PAPLN: variants seen among roughly 807,000 people sequenced by gnomAD.
PAPLN encodes papilin, proteoglycan like sulfated glycoprotein, also known as papilin.
PAPLN carries 146 observed loss-of-function variants against 159.0 expected under a neutral mutation model. The observed-to-expected ratio is 0.92, with a 90% CI of 0.80 to 1.05. The LOEUF is 1.05. Among genes scored for constraint, PAPLN ranks in the 50% least tolerant of loss-of-function variants. The probability of loss-of-function intolerance (pLI) is 0.00; values close to 1 mark genes in which losing one functional copy is unlikely to be tolerated. For synonymous variants in PAPLN, 734 were observed against 702.9 expected (o/e 1.04, Z -0.70); for missense variants, 1,720 against 1,743.9 (o/e 0.99, Z 0.24).
At chr14:73,262,112 G>C in intron 18 of PAPLN, 1 of 467,028 alleles carries the variant, frequency 2.1e-6, no homozygotes, top group Non-Finnish European at 3.7e-6. Context: ...ACCTCCCAGA[G>C]GCTCTAGCTC....
rs1884284382 is a variant in PAPLN, at chr14:73,246,187, C to CG, written c.334+15dup. Reference sequence around the variant, plus strand: ...GCCCTACTACAGCGGTGAGCGCGGCCGGGACTCGCTCTCTCGGGGCCTCTT... The same window carrying CG: ...GCCCTACTACAGCGGTGAGCGCGGCCGGGGACTCGCTCTCTCGGGGCCTCTT... On this transcript the variant is annotated intron_variant, in intron 5 of 26. Transcript: ENST00000644200. The CG allele has an allele frequency of 1.3e-6, 2 of 1,563,826 alleles. No homozygotes were observed. Among genetic ancestry groups the CG allele is most frequent in the South Asian group, 2.3e-5 (2 of 85,194 alleles).
Position 73,251,727 on chromosome 14 carries a change from C to T in PAPLN, c.734C>T (p.Ala245Val), listed in dbSNP as rs117222936. The T allele has an allele frequency of 1.3e-4, 212 of 1,613,262 alleles. 1 individual carries two copies. In the East Asian group the frequency reaches 3.1e-3, roughly 24 times the overall value. ...CACTGGACCATCGAGGCGGCCCGGG[C>T]CCTGCCAGCAGCCAGCACCATCCTG... ...NGHWTIEAAR[A>V]LPAASTILHY... The change falls in exon 9 of 27, where the codon GCC becomes GTC. Residue 245 changes from alanine to valine, a missense_variant. Physicochemically the swap from Ala to Val is moderately conservative, Grantham distance 64 (BLOSUM62 0). Transcript: ENST00000644200.
intron 17 of PAPLN, 47 bp downstream of exon 17, chr14:73,260,876 C>T (rs1886505320): frequency 1.3e-6 from 2 of 1,491,402 alleles, no homozygotes; most frequent in Non-Finnish European, 1.8e-6. Flanking sequence ...AGCCCGTGAG[C>T]CTGCTCAGTG....
chr14:73,252,560 G>T (rs1251745486), intron 10 of PAPLN, 89 bp from the exon 11 acceptor site: 6 of 1,504,684 alleles, frequency 4.0e-6, no homozygotes, highest in Non-Finnish European at 5.3e-6. Context: ...GATGACCTGT[G>T]GGGTGAGTGC....
rs1884067710 is a variant in PAPLN, at chr14:73,245,144, G to A, written c.170+385G>A. ...TCAAGCGATTTATTAAATGCTTGCTGTGTGTGCTGCACTCCGGCAGGGTCA... is the reference window on the plus strand; with the variant it reads ...TCAAGCGATTTATTAAATGCTTGCTATGTGTGCTGCACTCCGGCAGGGTCA... On this transcript the variant is annotated intron_variant, in intron 3 of 26. Coordinates refer to ENST00000644200, the MANE Select transcript of PAPLN (RefSeq NM_001365906.3). This position sits in a 1 kb window ranked among gnomAD's most constrained non-coding sequence, Gnocchi z 4.2. 4.6e-6 allele frequency: 1 copy of A among 215,776 alleles called. No homozygotes were observed. Among genetic ancestry groups the A allele is most frequent in the African/African-American group, 2.3e-5 (1 of 42,842 alleles). The allele number at this position is 215,776 out of a possible 1,614,324, so 13.4% of individuals were successfully genotyped here.
At chr14:73,244,622 T>G in intron 2 of PAPLN, 22 bp from the exon 3 acceptor site, 1 of 1,547,936 alleles carries the variant, frequency 6.5e-7, no homozygotes, top group Non-Finnish European at 8.8e-7. Flanking sequence ...GCAATGCTGA[T>G]GCATGGTCCT....
chr14:73,245,793 G>C lies in PAPLN; in HGVS notation c.231+97G>C. 6.9e-7 allele frequency: 1 copy of C among 1,457,552 alleles called. No individual in the cohort carries two copies. The highest frequency in any genetic ancestry group is 9.2e-7 in the Non-Finnish European group (1 of 1,086,630). The allele number at this position is 1,457,552 out of a possible 1,614,324, so 90.3% of individuals were successfully genotyped here. A position where few individuals can be genotyped will look rare whatever the true frequency, so the allele number is the denominator to read the frequency against. On this transcript the variant is annotated intron_variant, in intron 4 of 26. Coordinates refer to ENST00000644200, the MANE Select transcript of PAPLN (RefSeq NM_001365906.3). The surrounding 1 kb of genome is among the most constrained non-coding windows in gnomAD (Gnocchi z 4.2). Reference sequence around the variant, plus strand: ...GCCCGCTCCTGGCCGCGGGCTGCTGGGTTGGCCCAGCCTGGGGTCCTCCCG... The same window carrying C: ...GCCCGCTCCTGGCCGCGGGCTGCTGCGTTGGCCCAGCCTGGGGTCCTCCCG...
At chr14:73,257,854 C>T (rs1772164709) in intron 14 of PAPLN, among the ~76,000 whole-genome samples, 1 of 148,834 alleles carries the variant, frequency 6.7e-6, no homozygotes, top group Non-Finnish European at 1.5e-5. Context: ...ACCTCTGCCT[C>T]CCAGGTTCAA....
rs999639605 is a variant in PAPLN at position 73,245,883 on chromosome 14, C to T, written c.231+187C>T. On this transcript the variant is annotated intron_variant, in intron 4 of 26. Transcript: ENST00000644200. This position sits in a 1 kb window ranked among gnomAD's most constrained non-coding sequence, Gnocchi z 4.2. ...CCTGCTCCCGGGGACTGGCCTTGCC[C>T]TCCACAGCCTAGAGCACCATGGAGG... is the stretch of plus-strand genomic sequence containing the variant. 36 of 901,190 alleles carry T rather than the reference C, an allele frequency of 4.0e-5. No homozygotes were observed. Among genetic ancestry groups the T allele is most frequent in the Non-Finnish European group, 5.4e-5 (33 of 606,700 alleles). 55.8% of individuals were successfully genotyped at this position (901,190 alleles called of 1,614,324 possible).
At position 73,263,800 on chromosome 14, in the gene PAPLN, C is replaced by A; in HGVS notation, c.2861+18C>A. ...TCTGACAGGTGGGTGAGAGTCCCCC[C>A]ACCTCCTCTGACAGGTGTGACAGCC... On this transcript the variant is annotated intron_variant, in intron 20 of 26. Transcript: ENST00000644200. 6.3e-7 allele frequency: 1 copy of A among 1,593,524 alleles called. No homozygotes were observed. The highest frequency in any genetic ancestry group is 2.3e-5 in the East Asian group (1 of 44,154).
Position 73,263,633 on chromosome 14 carries a change from C to T in PAPLN, c.2724-12C>T, listed in dbSNP as rs200619084. 64 of 1,613,544 alleles carry T rather than the reference C, an allele frequency of 4.0e-5. No individual in the cohort carries two copies. The highest frequency in any genetic ancestry group is 5.9e-6 in the Non-Finnish European group (7 of 1,180,002). ...CATGCCAGTCAGCAGATCTCACTTC[C>T]CACCTCTCCAGGATTAGCTTGGCAG... On this transcript the variant is annotated splice_polypyrimidine_tract_variant and intron_variant, in intron 19 of 26. Transcript: ENST00000644200.
chr14:73,264,421 C>T, intron 21 of PAPLN, 86 bp downstream of exon 21: 1 of 1,558,348 alleles, frequency 6.4e-7, no homozygotes, highest in Non-Finnish European at 8.7e-7. Context: ...AGGGCTGCCT[C>T]ACGCTAGAGG....
chr14:73,261,744 G>T (rs1258820648), intron 18 of PAPLN, among the ~76,000 whole-genome samples: 9 of 152,202 alleles, frequency 5.9e-5, no homozygotes, highest in Non-Finnish European at 1.0e-4. Flanking sequence ...TAGAGCTGCT[G>T]GGAACCATCA....
At position 73,259,498 on chromosome 14, in the gene PAPLN, C is replaced by G; in HGVS notation, c.1938C>G (p.Leu646=). The G allele has an allele frequency of 1.2e-6, 2 of 1,602,418 alleles. No individual in the cohort carries two copies. The highest frequency in any genetic ancestry group is 3.4e-5 in the Admixed American group (2 of 58,828). The part of the protein sequence containing the change: ...GCCPDGHTAS[L]GPQWQGCPGA... The stretch of plus-strand genomic sequence containing the variant: ...GCCCCGATGGCCACACGGCATCTCT[C>G]GGGCCTCAGTGGCAAGGCTGCCCTG... The change falls in exon 16 of 27, where the codon CTC becomes CTG. Residue 646 remains leucine (L), a synonymous_variant. Transcript: ENST00000644200.
At chr14:73,248,107 G>GTGTGCGCGCA (rs1555361127) in intron 5 of PAPLN, among the ~76,000 whole-genome samples, 1 of 74,704 alleles carries the variant, frequency 1.3e-5, no homozygotes, top group Non-Finnish European at 2.6e-5. Flanking sequence ...GTGTGTGTGT[G>GTGTGCGCGCA]CGCGTGTGTG....
chr14:73,251,361 C>A, intron 7 of PAPLN, 125 bp from the exon 8 acceptor site: 1 of 1,084,490 alleles, frequency 9.2e-7, no homozygotes. Context: ...AGCAGCTCGG[C>A]CCTGTCTGGC....
chr14:73,254,587 T>C lies in PAPLN; in HGVS notation c.1377T>C (p.His459=), dbSNP rs1248890468. The C allele has an allele frequency of 2.5e-6, 4 of 1,613,938 alleles. No homozygotes were observed. Among genetic ancestry groups the C allele is most frequent in the Non-Finnish European group, 3.4e-6 (4 of 1,179,950 alleles). ...GGGGTGAAAGGGGTTCTTTGCTCCA[T>C]ACCGCAGCGTGCTCCTTGGAAGACC... The part of the protein sequence containing the change: ...TCRGERGSLL[H]TAACSLEDRP... The change falls in exon 13 of 27, where the codon CAT becomes CAC. Residue 459 remains histidine (H), a synonymous_variant. Coordinates refer to ENST00000644200, the MANE Select transcript of PAPLN (RefSeq NM_001365906.3).
At chr14:73,268,902 TA>T in intron 26 of PAPLN, among the ~76,000 whole-genome samples, 179 bp downstream of exon 26, 1 of 152,134 alleles carries the variant, frequency 6.6e-6, no homozygotes, top group East Asian at 1.9e-4. Context: ...TCCTCCCGTC[TA>T]CAGTGGGGCT....
intron 5 of PAPLN, among the ~76,000 whole-genome samples, chr14:73,248,156 A>G (rs1884810833): frequency 9.0e-6 from 1 of 110,838 alleles, no homozygotes; most frequent in Admixed American, 1.0e-4. Context: ...GCCCAGTGGG[A>G]GTCTCATATC....
Sources: gnomAD v4.1 joint callset for allele counts (sites outside exome capture counted in the v4.1 genomes callset) on GRCh38, gnomAD v4.1.1 for gene constraint, Gnocchi (gnomAD v3.1) non-coding constraint, MANE v1.5 for transcripts, NCBI Gene and HGNC (gene_info 2026-07-23, HGNC 2026-07-21) for gene names.